CCDC88A: variants seen among roughly 807,000 people sequenced by gnomAD.
CCDC88A encodes the protein coiled-coil and HOOK domain protein 88A, also known as girdin.
A neutral mutation model predicts 234.3 loss-of-function variants in CCDC88A; 54 were observed. The observed-to-expected ratio is 0.23, with a 90% CI of 0.19 to 0.29. The LOEUF is 0.29. Ranked by LOEUF, CCDC88A falls within the 10% of genes least tolerant of loss-of-function variation. The pLI is 1.00. For missense variants in CCDC88A, 1,832 were observed against 2,123.4 expected, an observed-to-expected ratio of 0.86 and a Z score of 2.70; for synonymous variants, 753 against 737.8, an observed-to-expected ratio of 1.02 and a Z score of -0.33.
intron 4 of CCDC88A, among the ~76,000 whole-genome samples, chr2:55,373,118 A>C (rs926207130): frequency 6.6e-6 from 1 of 152,166 alleles, no homozygotes; most frequent in Non-Finnish European, 1.5e-5. Flanking sequence ...CATTCAACTA[A>C]GATTTTCTTA....
chr2:55,389,606 TA>T (rs1221443330), intron 2 of CCDC88A, among the ~76,000 whole-genome samples: 1 of 152,214 alleles, frequency 6.6e-6, no homozygotes, highest in African/African-American at 2.4e-5. Flanking sequence ...GTTCCTTCCC[TA>T]AACAGATTAG....
intron 18 of CCDC88A, among the ~76,000 whole-genome samples, chr2:55,321,717 G>A (rs1289201328): frequency 6.6e-6 from 1 of 152,002 alleles, no homozygotes; most frequent in African/African-American, 2.4e-5. Context: ...AATGCAAATA[G>A]GAATTTTGTA....
At chr2:55,307,148 T>C (rs1215308496) in intron 25 of CCDC88A, among the ~76,000 whole-genome samples, 2 of 152,204 alleles carry the variant, frequency 1.3e-5, no homozygotes, top group Non-Finnish European at 2.9e-5. Flanking sequence ...AGAACTTTGA[T>C]AGTAGTCAAC....
At chr2:55,385,090 T>C (rs1675372391) in intron 3 of CCDC88A, among the ~76,000 whole-genome samples, 1 of 151,894 alleles carries the variant, frequency 6.6e-6, no homozygotes, top group Non-Finnish European at 1.5e-5. Context: ...GAGTTCACAA[T>C]TAAAACACAC....
At chr2:55,413,305 T>C (rs377446186) in intron 2 of CCDC88A, among the ~76,000 whole-genome samples, 2 of 152,234 alleles carry the variant, frequency 1.3e-5, no homozygotes, top group East Asian at 3.9e-4. Context: ...AGGATAATAA[T>C]AATGACAGCA....
At chr2:55,367,627 C>T (rs2104804667) in intron 5 of CCDC88A, among the ~76,000 whole-genome samples, 1 of 148,150 alleles carries the variant, frequency 6.7e-6, no homozygotes, top group South Asian at 2.1e-4. Context: ...GAACTCCTGG[C>T]CTCAAGTGAT....
chr2:55,417,336 A>C (rs938397389), intron 2 of CCDC88A: 1 of 152,098 alleles, frequency 6.6e-6, no homozygotes, highest in African/African-American at 2.4e-5. Context: ...TAAGCACAAT[A>C]AAGAGACACA....
intron 2 of CCDC88A, chr2:55,406,095 T>C (rs764383282): frequency 3.3e-5 from 5 of 151,198 alleles, no homozygotes; most frequent in African/African-American, 9.7e-5. Flanking sequence ...GAGGTGGAGG[T>C]TGCAGTGAGC....
intron 10 of CCDC88A, chr2:55,345,589 G>GCTCTAT (rs1311288057): frequency 6.6e-6 from 1 of 152,348 alleles, no homozygotes; most frequent in African/African-American, 2.4e-5. Context: ...TAGAGACGGG[G>GCTCTAT]TTTTGCCACA....
At chr2:55,341,704 A>C (rs922430577) in intron 12 of CCDC88A, among the ~76,000 whole-genome samples, 19 of 147,978 alleles carry the variant, frequency 1.3e-4, no homozygotes, top group Middle Eastern at 3.8e-3. Context: ...CGGCCTCCCA[A>C]AGTGCTGGGA....
rs1348346164 is a variant in CCDC88A, at chr2:55,339,707, T to A, written c.1334-59A>T. 3 of 1,449,434 alleles carry A rather than the reference T, an allele frequency of 2.1e-6. No individual in the cohort carries two copies. The Admixed American group carries it at 7.2e-5, about 35-fold the overall frequency. 89.8% of individuals were successfully genotyped at this position (1,449,434 alleles called of 1,614,324 possible). Reference sequence around the variant, plus strand: ...TCTTTACTGTTTTTACTATGTTTACTCTTTACTATTTAAAAAGTTGAGTGT... The same window carrying A: ...TCTTTACTGTTTTTACTATGTTTACACTTTACTATTTAAAAAGTTGAGTGT... On this transcript the variant is annotated intron_variant, in intron 12 of 32. Coordinates refer to ENST00000436346, the MANE Select transcript of CCDC88A (RefSeq NM_001365480.1).
intron 3 of CCDC88A, among the ~76,000 whole-genome samples, chr2:55,384,804 G>A (rs1024683822): frequency 3.3e-5 from 5 of 151,288 alleles, no homozygotes; most frequent in South Asian, 2.1e-4. Context: ...TTACAGGCAC[G>A]CACCACCACA....
chr2:55,336,602 T>G, intron 14 of CCDC88A, 79 bp downstream of exon 14: 1 of 887,702 alleles, frequency 1.1e-6, no homozygotes, highest in Non-Finnish European at 1.7e-6. Flanking sequence ...TATATGAACA[T>G]TTTGTTTGCA....
rs376732011 is a variant in CCDC88A at position 55,322,580 on chromosome 2, G to A, written c.3110C>T (p.Thr1037Met). Reference sequence around the variant, plus strand: ...TTTAACTTTCAGAAGTTCTCTAGTCGTTTCTTGACTTTCTCGCTCCCATTT... The same window carrying A: ...TTTAACTTTCAGAAGTTCTCTAGTCATTTCTTGACTTTCTCGCTCCCATTT... ...DNKWERESQE[T>M]TRELLKVKDR... Residue 1037 changes from threonine (T) to methionine (M), a missense_variant, in exon 18 of 33, where the codon ACG becomes ATG. This residue lies in a region of CCDC88A where 1,282 missense variants were observed against 1,543.6 expected (regional missense o/e 0.83). Coordinates refer to ENST00000436346, the MANE Select transcript of CCDC88A (RefSeq NM_001365480.1). The A allele has an allele frequency of 7.5e-6, 12 of 1,607,910 alleles. No homozygotes were observed. The highest frequency in any genetic ancestry group is 1.1e-5 in the South Asian group (1 of 90,494).
intron 2 of CCDC88A, among the ~76,000 whole-genome samples, chr2:55,410,001 A>T (rs1303868131): frequency 3.9e-5 from 6 of 151,938 alleles, no homozygotes; most frequent in Non-Finnish European, 8.8e-5. Flanking sequence ...TCAGCCTCCC[A>T]AAGTGCTGGG....
At chr2:55,291,622 G>T in intron 32 of CCDC88A, 54 bp downstream of exon 32, 2 of 744,082 alleles carry the variant, frequency 2.7e-6, no homozygotes, top group South Asian at 1.9e-5. Flanking sequence ...ACTTAATTTG[G>T]TTAGTTTGTA....
At chr2:55,338,221 G>A (rs1362073940) in intron 13 of CCDC88A, among the ~76,000 whole-genome samples, 1 of 152,042 alleles carries the variant, frequency 6.6e-6, no homozygotes, top group Non-Finnish European at 1.5e-5. Context: ...ATTCTAAATG[G>A]TCATCCTACT....
chr2:55,394,894 G>A (rs1479600350), intron 2 of CCDC88A, among the ~76,000 whole-genome samples: 8 of 151,436 alleles, frequency 5.3e-5, no homozygotes, highest in South Asian at 4.2e-4. Flanking sequence ...TGCCCAGGCT[G>A]GAGTGCAATG....
chr2:55,347,631 C>CA (rs1166494454), intron 9 of CCDC88A, among the ~76,000 whole-genome samples: 1 of 42,412 alleles, frequency 2.4e-5, no homozygotes, highest in African/African-American at 9.3e-5. Flanking sequence ...TTTTTTGAGA[C>CA]AGAGTCTCAC....
Sources: allele counts gnomAD v4.1 joint callset (sites outside exome capture counted in the v4.1 genomes callset), GRCh38; gene constraint gnomAD v4.1.1; regional missense constraint gnomAD v4.1.1; transcripts MANE v1.5; gene names NCBI Gene and HGNC (gene_info 2026-07-23, HGNC 2026-07-21).